The following ERFE variants were observed in gnomAD, a reference collection of about 807,000 sequenced individuals.
The protein encoded by ERFE is complement C1q tumor necrosis factor-related protein 15.
ERFE carries 25 observed loss-of-function variants against 26.6 expected under a neutral mutation model. That is an observed-to-expected ratio of 0.94 (90% CI 0.69 to 1.31). ERFE has a LOEUF of 1.31. Among genes scored for constraint, ERFE ranks in the 40% most tolerant of loss-of-function variants. The probability of loss-of-function intolerance (pLI) is 0.00; values close to 1 mark genes in which losing one functional copy is unlikely to be tolerated. For missense variants in ERFE, 447 were observed against 440.2 expected (o/e 1.02, Z -0.14); for synonymous variants, 206 against 204.5 (o/e 1.01, Z -0.06).
chr2:238,161,776 C>A, intron 2 of ERFE, 60 bp downstream of exon 2: 1 of 1,490,596 alleles, frequency 6.7e-7, no homozygotes, highest in Non-Finnish European at 9.0e-7. Flanking sequence ...CGCTCCTCAT[C>A]CACTCCCACT....
In ERFE at chr2:238,161,695, G is replaced by C. The variant is rs1449382272; in HGVS notation, c.300G>C (p.Arg100Ser). The change falls in exon 2 of 8, where the codon AGG becomes AGC. Residue 100 changes from arginine to serine, a missense_variant. Arg to Ser is a moderately radical substitution (Grantham distance 110). Coordinates refer to ENST00000546354, the MANE Select transcript of ERFE (RefSeq NM_001291832.2). ...GTGTCAATGGCAAGAAGAGGAGCAGGGGCAAGGCCAAGAAGCTGAAGGTGA... is the reference window on the plus strand; with the variant it reads ...GTGTCAATGGCAAGAAGAGGAGCAGCGGCAAGGCCAAGAAGCTGAAGGTGA... Reference protein sequence around the residue: ...DKGVNGKKRSRGKAKKLKFGL... With the variant: ...DKGVNGKKRSSGKAKKLKFGL... 4 of 1,547,062 alleles carry C rather than the reference G, an allele frequency of 2.6e-6. No individual in the cohort carries two copies. The South Asian group carries it at 4.8e-5, about 18-fold the overall frequency.
chr2:238,164,158 C>T lies in ERFE; in HGVS notation c.771C>T (p.Tyr257=), dbSNP rs949625327. ...GQYRAPVAGF[Y]ALAATLHVAL... is the part of the protein sequence containing the mutation. ...ACAGGGCGCCCGTGGCTGGCTTCTA[C>T]GCTCTCGCCGCCACGCTGCACGTGG... Residue 257 remains tyrosine (Y), a synonymous_variant, in exon 5 of 8, where the codon TAC becomes TAT. Transcript: ENST00000546354. 9 of 1,451,536 alleles carry T rather than the reference C, an allele frequency of 6.2e-6. No individual in the cohort carries two copies. In the African/African-American group the frequency reaches 8.9e-5, roughly 14 times the overall value. 89.9% of individuals were successfully genotyped at this position (1,451,536 alleles called of 1,614,324 possible).
chr2:238,166,069 C>A (rs1693031059), intron 7 of ERFE, among the ~76,000 whole-genome samples: 1 of 152,206 alleles, frequency 6.6e-6, no homozygotes, highest in South Asian at 2.1e-4. Context: ...CAGGCTGACG[C>A]CCTGAGTCCC....
Position 238,164,098 on chromosome 2 carries a change from C to A in ERFE, c.711C>A (p.Arg237=), listed in dbSNP as rs1471208749. 7.0e-6 allele frequency: 10 copies of A among 1,433,278 alleles called. No homozygotes were observed. Among genetic ancestry groups the A allele is most frequent in the Admixed American group, 2.8e-5 (1 of 36,066 alleles). 88.8% of individuals were successfully genotyped at this position (1,433,278 alleles called of 1,614,324 possible). Reference sequence around the variant, plus strand: ...AGCCCGACGCCGAGGGTGCCTTCCGCCGCGGCCCGGGCCTGAACTTGACCA... The same window carrying A: ...AGCCCGACGCCGAGGGTGCCTTCCGACGCGGCCCGGGCCTGAACTTGACCA... ...YYLPDAEGAF[R]RGPGLNLTSG... The change falls in exon 5 of 8, where the codon CGC becomes CGA. Residue 237 remains arginine (R), a synonymous_variant. Coordinates refer to ENST00000546354, the MANE Select transcript of ERFE (RefSeq NM_001291832.2).
intron 7 of ERFE, 86 bp from the exon 8 acceptor site, chr2:238,166,870 C>A: frequency 9.0e-7 from 1 of 1,110,818 alleles, no homozygotes; most frequent in Non-Finnish European, 1.3e-6. Flanking sequence ...GCTGAGTGGG[C>A]AGGAGGGAGT....
At chr2:238,162,678 G>T (rs1692956144) in intron 2 of ERFE, 58 bp from the exon 3 acceptor site, 2 of 1,109,584 alleles carry the variant, frequency 1.8e-6, no homozygotes, top group African/African-American at 1.5e-5. Context: ...TTGCACAGGG[G>T]ATGCTGTGGC....
rs1348141157 is a variant in ERFE at position 238,167,472 on chromosome 2, C to T, written c.*418C>T. On this transcript the variant is annotated 3_prime_UTR_variant, in exon 8 of 8. Transcript: ENST00000546354. ...AAAGTGCACCAGCCAGGGCCCCTAC[C>T]TGGGAGAGGGTCAGCTGACGCAGGG... is the stretch of plus-strand genomic sequence containing the variant. 2.1e-6 allele frequency: 1 copy of T among 471,388 alleles called. No homozygotes were observed. Among genetic ancestry groups the T allele is most frequent in the African/African-American group, 2.0e-5 (1 of 50,936 alleles). The allele number at this position is 471,388 out of a possible 1,614,324, so 29.2% of individuals were successfully genotyped here. A position where few individuals can be genotyped will look rare whatever the true frequency, so the allele number is the denominator to read the frequency against.
chr2:238,164,440 CG>C, intron 6 of ERFE, 80 bp downstream of exon 6: 2 of 1,404,070 alleles, frequency 1.4e-6, no homozygotes, highest in Non-Finnish European at 1.9e-6. Flanking sequence ...AGGCACTGGA[CG>C]GGGCTTCCGC....
rs111241405 is a variant in ERFE, at chr2:238,164,165, G to T, written c.778G>T (p.Ala260Ser). 0.02 allele frequency: 28,728 copies of T among 1,445,258 alleles called. 459 individuals carry two copies. Among genetic ancestry groups the T allele is most frequent in the South Asian group, 0.064 (4,679 of 73,002 alleles). 89.5% of individuals were successfully genotyped at this position (1,445,258 alleles called of 1,614,324 possible). ...RAPVAGFYALAATLHVALGEP... is the reference protein window; with the variant it reads ...RAPVAGFYALSATLHVALGEP... Reference sequence around the variant, plus strand: ...GCCCGTGGCTGGCTTCTACGCTCTCGCCGCCACGCTGCACGTGGGTGAGGC... The same window carrying T: ...GCCCGTGGCTGGCTTCTACGCTCTCTCCGCCACGCTGCACGTGGGTGAGGC... The change falls in exon 5 of 8, where the codon GCC (alanine) becomes TCC (serine). Residue 260 changes from alanine to serine, a missense_variant. Ala to Ser is a moderately conservative substitution (Grantham distance 99). Transcript: ENST00000546354.
chr2:238,162,675 G>T, intron 2 of ERFE, 61 bp from the exon 3 acceptor site: 1 of 1,087,766 alleles, frequency 9.2e-7, no homozygotes, highest in South Asian at 1.3e-5. Context: ...AGCTTGCACA[G>T]GGGATGCTGT....
At position 238,167,373 on chromosome 2, in the gene ERFE, G is replaced by A; in HGVS notation, c.*319G>A. Reference sequence around the variant, plus strand: ...CTCTTTCCTGGCCTGCTCAGCACCTGCCCAGATGGCCTCTGCGTCTTTCCT... The same window carrying A: ...CTCTTTCCTGGCCTGCTCAGCACCTACCCAGATGGCCTCTGCGTCTTTCCT... On this transcript the variant is annotated 3_prime_UTR_variant, in exon 8 of 8. Coordinates refer to ENST00000546354, the MANE Select transcript of ERFE (RefSeq NM_001291832.2). 1.6e-6 allele frequency: 1 copy of A among 609,734 alleles called. No individual in the cohort carries two copies. The highest frequency in any genetic ancestry group is 1.5e-5 in the South Asian group (1 of 65,992). The allele number at this position is 609,734 out of a possible 1,614,324, so 37.8% of individuals were successfully genotyped here.
At chr2:238,165,974 C>G (rs1013145949) in intron 7 of ERFE, among the ~76,000 whole-genome samples, 8 of 152,240 alleles carry the variant, frequency 5.3e-5, no homozygotes, top group Admixed American at 6.5e-5. Flanking sequence ...CCCTGAGCAC[C>G]TCATCCTGAG....
intron 1 of ERFE, among the ~76,000 whole-genome samples, chr2:238,160,021 C>A (rs1020939207): frequency 6.6e-6 from 1 of 152,194 alleles, no homozygotes; most frequent in Non-Finnish European, 1.5e-5. Context: ...CCCCATCACA[C>A]CCAGCCACTT....
chr2:238,159,017 G>GCCCGCCGC lies in ERFE; in HGVS notation c.18_25dup (p.Gly9AlafsTer101), dbSNP rs1257631883. 35 of 256,836 alleles carry GCCCGCCGC rather than the reference G, an allele frequency of 1.4e-4. No homozygotes were observed. Among genetic ancestry groups the GCCCGCCGC allele is most frequent in the African/African-American group, 4.8e-4 (21 of 43,624 alleles). The allele number at this position is 256,836 out of a possible 1,614,324, so 15.9% of individuals were successfully genotyped here. A position where few individuals can be genotyped will look rare whatever the true frequency, so the allele number is the denominator to read the frequency against. On this transcript the variant is annotated frameshift_variant, in exon 1 of 8. Coordinates refer to ENST00000546354, the MANE Select transcript of ERFE (RefSeq NM_001291832.2). LOFTEE classifies it high-confidence loss of function. ...GGGAACCGCCGCCCGCATGGCCCCG[G>GCCCGCCGC]CCCGCCGCCCCGCCGGAGCCCGCCT...
At position 238,168,181 on chromosome 2, in the gene ERFE, G is replaced by A; in HGVS notation, c.*1127G>A. The A allele has an allele frequency of 3.2e-6, 1 of 308,624 alleles. No homozygotes were observed. 19.1% of individuals were successfully genotyped at this position (308,624 alleles called of 1,614,324 possible). ...GTGGCAGTGATGGGGCCTGGGGATG[G>A]GGACGGCAGCTCTCATGAGGACACA... is the stretch of plus-strand genomic sequence containing the variant. On this transcript the variant is annotated 3_prime_UTR_variant, in exon 8 of 8. Coordinates refer to ENST00000546354, the MANE Select transcript of ERFE (RefSeq NM_001291832.2).
chr2:238,163,771 A>G lies in ERFE; in HGVS notation c.459A>G (p.Glu153=). The part of the protein sequence containing the change: ...AVRQRERAEP[E]PCTCGPAGPV... ...GGCAGCGGGAGCGCGCGGAGCCCGA[A>G]CCCTGTACGTGTGGCCCCGCCGGGC... The change falls in exon 4 of 8, where the codon GAA becomes GAG. Residue 153 remains glutamate, a synonymous_variant. Coordinates refer to ENST00000546354, the MANE Select transcript of ERFE (RefSeq NM_001291832.2). The G allele has an allele frequency of 7.4e-7, 1 of 1,359,298 alleles. No individual in the cohort carries two copies. Among genetic ancestry groups the G allele is most frequent in the Non-Finnish European group, 9.4e-7 (1 of 1,061,068 alleles). 84.2% of individuals were successfully genotyped at this position (1,359,298 alleles called of 1,614,324 possible).
chr2:238,163,947 G>C lies in ERFE; in HGVS notation c.635G>C (p.Arg212Pro). 1 of 1,375,040 alleles carries C rather than the reference G, an allele frequency of 7.3e-7. No homozygotes were observed. Among genetic ancestry groups the C allele is most frequent in the Non-Finnish European group, 9.3e-7 (1 of 1,071,002 alleles). 85.2% of individuals were successfully genotyped at this position (1,375,040 alleles called of 1,614,324 possible). A position where few individuals can be genotyped will look rare whatever the true frequency, so the allele number is the denominator to read the frequency against. The change falls in exon 4 of 8, where the codon CGG becomes CCG. Residue 212 changes from arginine (R) to proline (P), a missense_variant. Coordinates refer to ENST00000546354, the MANE Select transcript of ERFE (RefSeq NM_001291832.2). ...VEAAFLCRLR[R>P]DALVERRALH... ...GCCGCTTTCCTCTGCCGCCTGCGCC[G>C]GGACGCGTTGGTGGAGCGGCGCGCG...
chr2:238,160,123 G>A (rs1025241325), intron 1 of ERFE, among the ~76,000 whole-genome samples: 11 of 152,242 alleles, frequency 7.2e-5, no homozygotes, highest in Non-Finnish European at 1.2e-4. Flanking sequence ...TCAGCAGGAG[G>A]CAGACGGGGC....
intron 6 of ERFE, 154 bp from the exon 7 acceptor site, chr2:238,165,452 G>C: frequency 1.6e-6 from 1 of 621,010 alleles, no homozygotes; most frequent in Non-Finnish European, 2.9e-6. Context: ...TCCTCCTCTT[G>C]GGGACTCGGT....
Sources: gnomAD v4.1 joint callset for allele counts (sites outside exome capture counted in the v4.1 genomes callset) on GRCh38, gnomAD v4.1.1 for gene constraint, MANE v1.5 for transcripts, NCBI Gene and HGNC (gene_info 2026-07-23, HGNC 2026-07-21) for gene names.